The following RBMS1 variants were observed in gnomAD, a reference collection of about 807,000 sequenced individuals.
RBMS1 encodes RNA binding motif single stranded interacting protein 1.
In RBMS1, 17 loss-of-function variants were observed where a neutral mutation model predicts 62.3. The ratio of observed to expected loss-of-function variants is 0.27; its 90% CI spans 0.19 to 0.41. The LOEUF (loss-of-function observed/expected upper bound fraction) is 0.41. Among genes scored for constraint, RBMS1 ranks in the 10% least tolerant of loss-of-function variants. The pLI, the probability that RBMS1 is intolerant of heterozygous loss-of-function variation, is 1.00. For missense variants in RBMS1, 334 were observed against 504.5 expected (o/e 0.66, Z 3.24); for synonymous variants, 172 against 170.0 (o/e 1.01, Z -0.09).
intron 2 of RBMS1, among the ~76,000 whole-genome samples, chr2:160,361,807 C>T (rs971363536): frequency 6.6e-6 from 1 of 152,138 alleles, no homozygotes; most frequent in African/African-American, 2.4e-5. Flanking sequence ...CCAGCCTGGG[C>T]AACACAGTGA....
At chr2:160,302,116 C>A (rs575984607) in intron 5 of RBMS1, among the ~76,000 whole-genome samples, 12 of 151,968 alleles carry the variant, frequency 7.9e-5, no homozygotes, top group Admixed American at 4.6e-4. Flanking sequence ...ATAACCACTA[C>A]TCTGAAGTGT....
At chr2:160,326,540 G>T (rs1185535815) in intron 2 of RBMS1, among the ~76,000 whole-genome samples, 1 of 152,134 alleles carries the variant, frequency 6.6e-6, no homozygotes, top group Non-Finnish European at 1.5e-5. Flanking sequence ...AGTCTTGGAG[G>T]ACTCTGCATT....
intron 1 of RBMS1, among the ~76,000 whole-genome samples, chr2:160,478,898 GC>G (rs1273578610): frequency 2.6e-5 from 4 of 152,206 alleles, no homozygotes; most frequent in Admixed American, 6.5e-5. Context: ...CCTGAAGGCT[GC>G]CCACCTGCCA....
At chr2:160,426,301 G>GAAAGAAAAGAAA (rs1559537559) in intron 1 of RBMS1, among the ~76,000 whole-genome samples, 115 of 28,534 alleles carry the variant, frequency 4.0e-3, no homozygotes, top group East Asian at 7.8e-3. Flanking sequence ...AAAGAAAGAA[G>GAAAGAAAAGAAA]GAAGGAAGGA....
At chr2:160,326,041 T>C (rs1690903711) in intron 2 of RBMS1, among the ~76,000 whole-genome samples, 1 of 152,188 alleles carries the variant, frequency 6.6e-6, no homozygotes, top group African/African-American at 2.4e-5. Flanking sequence ...TGTACCTTTA[T>C]GAATAAAAGA....
chr2:160,475,855 C>T (rs1034417737), intron 1 of RBMS1, among the ~76,000 whole-genome samples: 2 of 131,464 alleles, frequency 1.5e-5, no homozygotes, highest in Non-Finnish European at 3.2e-5. Flanking sequence ...AGAATGGGCC[C>T]CCCATTTTTT....
At chr2:160,367,754 G>T (rs1250998896) in intron 1 of RBMS1, among the ~76,000 whole-genome samples, 1 of 152,088 alleles carries the variant, frequency 6.6e-6, no homozygotes, top group Non-Finnish European at 1.5e-5. Flanking sequence ...TTTTGAAAAG[G>T]TTTTCAAATT....
intron 1 of RBMS1, among the ~76,000 whole-genome samples, chr2:160,385,412 AAAC>A (rs929173448): frequency 2.6e-5 from 4 of 152,308 alleles, no homozygotes; most frequent in South Asian, 4.1e-4. Context: ...AAGCTAACTA[AAAC>A]AACAACAACA....
At chr2:160,415,900 C>T (rs967653557) in intron 1 of RBMS1, among the ~76,000 whole-genome samples, 1 of 151,774 alleles carries the variant, frequency 6.6e-6, no homozygotes, top group African/African-American at 2.4e-5. Flanking sequence ...TACTGAAAAG[C>T]CTTTCATTCT....
intron 2 of RBMS1, among the ~76,000 whole-genome samples, chr2:160,331,374 G>A (rs767679165): frequency 3.9e-5 from 6 of 151,972 alleles, no homozygotes; most frequent in Non-Finnish European, 7.4e-5. Flanking sequence ...AGCATTTTCC[G>A]ACCTTCCCTG....
chr2:160,310,419 C>T (rs1033225319), intron 4 of RBMS1, among the ~76,000 whole-genome samples: 4 of 152,176 alleles, frequency 2.6e-5, no homozygotes, highest in African/African-American at 7.2e-5. Flanking sequence ...ATGAGTCTGA[C>T]ATTCTATAAA....
intron 1 of RBMS1, among the ~76,000 whole-genome samples, chr2:160,429,149 T>C (rs1337517074): frequency 6.6e-6 from 1 of 152,250 alleles, no homozygotes; most frequent in East Asian, 1.9e-4. Context: ...TGTCAAAATA[T>C]AATAGTTTTT....
chr2:160,361,602 G>A (rs1320891484), intron 2 of RBMS1, among the ~76,000 whole-genome samples: 2 of 152,114 alleles, frequency 1.3e-5, no homozygotes, highest in Non-Finnish European at 2.9e-5. Flanking sequence ...ACACTATATT[G>A]TAGCTTATTA....
chr2:160,339,058 T>C (rs1319460124), intron 2 of RBMS1, among the ~76,000 whole-genome samples: 1 of 152,190 alleles, frequency 6.6e-6, no homozygotes, highest in Non-Finnish European at 1.5e-5. Flanking sequence ...AGGGTTTCAT[T>C]AGGCCTGCCT....
chr2:160,313,629 A>T (rs1239953081), intron 3 of RBMS1, among the ~76,000 whole-genome samples: 1 of 152,214 alleles, frequency 6.6e-6, no homozygotes, highest in Non-Finnish European at 1.5e-5. Context: ...ATGATTCGGT[A>T]AGAAAGATGG....
In RBMS1 at chr2:160,287,772, G is replaced by A. The variant is rs571210449; in HGVS notation, c.641-688C>T. Among the ~76,000 whole-genome samples the A allele has an allele frequency of 1.1e-4, 16 of 152,208 alleles. No individual in the cohort carries two copies. The East Asian group carries it at 2.5e-3, about 24-fold the overall frequency. ...TCTCATATGTTTATTTTTGGGATAC[G>A]TCAGTGAAGATGGCTGTTGTGAGAA... is the stretch of plus-strand genomic sequence containing the variant. On this transcript the variant is annotated intron_variant, in intron 6 of 13. Coordinates refer to ENST00000348849, the MANE Select transcript of RBMS1 (RefSeq NM_016836.4).
intron 2 of RBMS1, among the ~76,000 whole-genome samples, chr2:160,338,699 T>C (rs1347997778): frequency 1.3e-5 from 2 of 152,186 alleles, no homozygotes; most frequent in African/African-American, 2.4e-5. Flanking sequence ...TTTGACATAA[T>C]TGGTGCTAAA....
chr2:160,462,038 C>A (rs59400442), intron 1 of RBMS1, among the ~76,000 whole-genome samples: 1 of 152,206 alleles, frequency 6.6e-6, no homozygotes, highest in African/African-American at 2.4e-5. Context: ...GAACAACAGA[C>A]AGCACAAGAG....
At chr2:160,350,688 G>GAAGCCC (rs1692442464) in intron 2 of RBMS1, among the ~76,000 whole-genome samples, 1 of 152,146 alleles carries the variant, frequency 6.6e-6, no homozygotes, top group Non-Finnish European at 1.5e-5. Context: ...GGTAGAGAAT[G>GAAGCCC]AAGCAGACGG....
Sources: allele counts gnomAD v4.1 joint callset (sites outside exome capture counted in the v4.1 genomes callset), GRCh38; gene constraint gnomAD v4.1.1; transcripts MANE v1.5; gene names NCBI Gene and HGNC (gene_info 2026-07-23, HGNC 2026-07-21).